ZNF235: variants seen among roughly 807,000 people sequenced by gnomAD.
ZNF235 encodes the protein zinc finger protein 235.
A neutral mutation model predicts 29.4 loss-of-function variants in ZNF235; 25 were observed. The observed-to-expected ratio is 0.85, with a 90% CI of 0.62 to 1.19. The LOEUF is 1.19. Ranked by LOEUF, ZNF235 falls within the 50% of genes most tolerant of loss-of-function variation. The probability of loss-of-function intolerance (pLI) is 0.00; values close to 1 mark genes in which losing one functional copy is unlikely to be tolerated. For missense variants in ZNF235, 788 were observed against 885.0 expected (o/e 0.89, Z 1.39); for synonymous variants, 300 against 295.3 (o/e 1.02, Z -0.16).
chr19:44,294,947 T>C (rs1027634551), intron 4 of ZNF235, among the ~76,000 whole-genome samples: 2 of 151,984 alleles, frequency 1.3e-5, no homozygotes, highest in Admixed American at 6.6e-5. Flanking sequence ...TTCAAAATAA[T>C]AAAAGCCATA....
intron 4 of ZNF235, among the ~76,000 whole-genome samples, chr19:44,295,339 T>C (rs761812992): frequency 2.0e-5 from 3 of 151,994 alleles, no homozygotes; most frequent in Non-Finnish European, 4.4e-5. Context: ...ATCCAATTTA[T>C]AGTATCTACA....
At chr19:44,299,796 C>A (rs1975708931) in intron 2 of ZNF235, 64 bp from the exon 3 acceptor site, 10 of 1,609,848 alleles carry the variant, frequency 6.2e-6, no homozygotes, top group Non-Finnish European at 8.5e-6. Flanking sequence ...CTAAGCAACT[C>A]TTTCTGTAGA....
In ZNF235 at chr19:44,296,111, C is replaced by T. The variant is rs1297616699; in HGVS notation, c.238+2697G>A. Among the ~76,000 whole-genome samples, 8 of 152,092 alleles carry T rather than the reference C, an allele frequency of 5.3e-5. No homozygotes were observed. The East Asian group carries it at 5.8e-4, about 11-fold the overall frequency. ...TTATAACACGAAGTATAAATAAATA[C>T]ATATGAGCCCATACTGATTATAAAA... On this transcript the variant is annotated intron_variant, in intron 4 of 4. Coordinates refer to ENST00000291182, the MANE Select transcript of ZNF235 (RefSeq NM_004234.4).
At chr19:44,302,863 T>C (rs961983220) in intron 2 of ZNF235, among the ~76,000 whole-genome samples, 41 of 113,108 alleles carry the variant, frequency 3.6e-4, no homozygotes, top group South Asian at 1.1e-3. Context: ...AATATATACT[T>C]ATATATATTT....
At chr19:44,303,000 A>G (rs1461433170) in intron 2 of ZNF235, among the ~76,000 whole-genome samples, 37 of 122,124 alleles carry the variant, frequency 3.0e-4, no homozygotes, top group Admixed American at 1.7e-3. Flanking sequence ...AAATATATAC[A>G]TATATACGTA....
chr19:44,288,769 G>A lies in ZNF235; in HGVS notation c.666C>T (p.His222=). The A allele has an allele frequency of 6.2e-7, 1 of 1,613,842 alleles. No individual in the cohort carries two copies. Among genetic ancestry groups the A allele is most frequent in the Non-Finnish European group, 8.5e-7 (1 of 1,179,908 alleles). ...TGTGCACTATATTATCATCATGGTG[G>A]TGTGAAATACAACTGAAAATGTCAA... ...PYVDIFSCIS[H]HHDDNIVHKR... Residue 222 remains histidine, a synonymous_variant, in exon 5 of 5, where the codon CAC becomes CAT. Coordinates refer to ENST00000291182, the MANE Select transcript of ZNF235 (RefSeq NM_004234.4).
chr19:44,303,281 A>G lies in ZNF235; in HGVS notation c.15+109T>C, dbSNP rs956764661. 30 of 1,088,380 alleles carry G rather than the reference A, an allele frequency of 2.8e-5. 1 individual carries two copies. The South Asian group carries it at 3.9e-4, about 14-fold the overall frequency. The allele number at this position is 1,088,380 out of a possible 1,614,324, so 67.4% of individuals were successfully genotyped here. A position where few individuals can be genotyped will look rare whatever the true frequency, so the allele number is the denominator to read the frequency against. On this transcript the variant is annotated intron_variant, in intron 2 of 4. Coordinates refer to ENST00000291182, the MANE Select transcript of ZNF235 (RefSeq NM_004234.4). ...AGGCAACAACCTGGCATATAACAAC[A>G]TTCCAAGTGCCTTTCGTTCCCTTTT...
chr19:44,292,018 C>A (rs1429243304), intron 4 of ZNF235, among the ~76,000 whole-genome samples: 1 of 151,988 alleles, frequency 6.6e-6, no homozygotes, highest in African/African-American at 2.4e-5. Context: ...GTGATCAAAT[C>A]AAATCTAACA....
chr19:44,300,765 G>A (rs1012883119), intron 2 of ZNF235, among the ~76,000 whole-genome samples: 7 of 150,366 alleles, frequency 4.7e-5, no homozygotes, highest in East Asian at 2.0e-4. Context: ...ACTTGAACCC[G>A]GCAGGCGGAG....
intron 4 of ZNF235, among the ~76,000 whole-genome samples, chr19:44,292,045 A>T (rs1221275254): frequency 6.6e-6 from 1 of 152,096 alleles, no homozygotes; most frequent in Non-Finnish European, 1.5e-5. Context: ...AAAAAGGATA[A>T]ATCAAGACAA....
At position 44,287,560 on chromosome 19, in the gene ZNF235, T is replaced by C. The variant is rs1203627299; in HGVS notation, c.1875A>G (p.Lys625=). Residue 625 remains lysine, a synonymous_variant, in exon 5 of 5, where the codon AAA becomes AAG. Coordinates refer to ENST00000291182, the MANE Select transcript of ZNF235 (RefSeq NM_004234.4). ...QAHQRVHTGE[K]PYKCDTCGKA... is the part of the protein sequence containing the mutation. ...TACCACAAGTGTCACATTTATATGGTTTCTCTCCGGTGTGGACTCTCTGAT... is the reference window on the plus strand; with the variant it reads ...TACCACAAGTGTCACATTTATATGGCTTCTCTCCGGTGTGGACTCTCTGAT... 1.2e-6 allele frequency: 2 copies of C among 1,613,668 alleles called. No homozygotes were observed. Among genetic ancestry groups the C allele is most frequent in the Admixed American group, 1.7e-5 (1 of 59,966 alleles).
At position 44,287,615 on chromosome 19, in the gene ZNF235, C is replaced by A; in HGVS notation, c.1820G>T (p.Arg607Leu). The A allele has an allele frequency of 1.9e-6, 3 of 1,614,030 alleles. No homozygotes were observed. The highest frequency in any genetic ancestry group is 2.5e-6 in the Non-Finnish European group (3 of 1,180,010). The change falls in exon 5 of 5, where the codon CGA (arginine) becomes CTA (leucine). Residue 607 changes from arginine (R) to leucine (L), a missense_variant. Transcript: ENST00000291182. ...KPFKCDACQK[R>L]FSQASHLQAH... ...TTGAAGGTGTGAGGCCTGACTGAAT[C>A]GCTTCTGACATGCATCACACTTGAA... is the stretch of plus-strand genomic sequence containing the variant.
At chr19:44,300,839 CAAA>C (rs143676501) in intron 2 of ZNF235, among the ~76,000 whole-genome samples, 7,091 of 95,776 alleles carry the variant, frequency 0.074, 171 homozygotes, top group African/African-American at 0.12. Flanking sequence ...GACTCCGTCT[CAAA>C]AAAAAAAAAA....
At chr19:44,299,824 T>C in intron 2 of ZNF235, 92 bp from the exon 3 acceptor site, 3 of 1,596,510 alleles carry the variant, frequency 1.9e-6, no homozygotes, top group Non-Finnish European at 2.6e-6. Flanking sequence ...TTCTTCCCCT[T>C]CCACAATCAC....
At chr19:44,304,868 T>C in intron 1 of ZNF235, 103 bp downstream of exon 1, 1 of 985,476 alleles carries the variant, frequency 1.0e-6, no homozygotes, top group Non-Finnish European at 1.2e-6. Context: ...CCTCCAGCGC[T>C]GGCCGCGGCT....
intron 2 of ZNF235, among the ~76,000 whole-genome samples, chr19:44,302,965 CGTATATAT>C (rs1315478778): frequency 1.7e-5 from 2 of 115,976 alleles, no homozygotes; most frequent in South Asian, 2.4e-4. Flanking sequence ...TAAATATATA[CGTATATAT>C]GTATATATTT....
At position 44,298,398 on chromosome 19, in the gene ZNF235, CT is replaced by C. The variant is rs369962631; in HGVS notation, c.238+409del. 4.1e-3 allele frequency among the ~76,000 whole-genome samples: 587 copies of C among 144,832 alleles called. 1 individual carries two copies. The highest frequency in any genetic ancestry group is 8.9e-3 in the African/African-American group (354 of 39,778). Reference sequence around the variant, plus strand: ...ACATGATGTGACAGATGTTTTCATTCTTTTTTTTTTTTTCCTGAGACAGAGT... The same window carrying C: ...ACATGATGTGACAGATGTTTTCATTCTTTTTTTTTTTTCCTGAGACAGAGT... On this transcript the variant is annotated intron_variant, in intron 4 of 4. Transcript: ENST00000291182.
At position 44,288,574 on chromosome 19, in the gene ZNF235, T is replaced by G. The variant is rs1162668172; in HGVS notation, c.861A>C (p.Gly287=). The G allele has an allele frequency of 2.5e-6, 4 of 1,614,048 alleles. No homozygotes were observed. The highest frequency in any genetic ancestry group is 1.7e-5 in the Admixed American group (1 of 59,982). Residue 287 remains glycine (G), a synonymous_variant, in exon 5 of 5, where the codon GGA becomes GGC. Coordinates refer to ENST00000291182, the MANE Select transcript of ZNF235 (RefSeq NM_004234.4). The part of the protein sequence containing the change: ...SLELHKQVHL[G]KKSPACSTHE... ...GTGTACTACACGCTGGAGACTTCTT[T>G]CCCAAGTGTACCTGTTTATGAAGTT... is the stretch of plus-strand genomic sequence containing the variant.
Position 44,288,159 on chromosome 19 carries a change from T to C in ZNF235, c.1276A>G (p.Thr426Ala), listed in dbSNP as rs1277780593. 3.7e-6 allele frequency: 6 copies of C among 1,613,948 alleles called. No homozygotes were observed. Among genetic ancestry groups the C allele is most frequent in the South Asian group, 1.1e-5 (1 of 91,088 alleles). Residue 426 changes from threonine to alanine, a missense_variant, in exon 5 of 5, where the codon ACT (threonine) becomes GCT (alanine). Physicochemically the swap from Thr to Ala is moderately conservative, Grantham distance 58. Transcript: ENST00000291182. ...SHLQAHERIH[T>A]GEKPYKCGDC... is the part of the protein sequence containing the mutation. ...CCACATTTATATGGTTTCTCTCCAG[T>C]GTGAATTCTTTCATGGGCCTGAAGA...
Sources: allele counts gnomAD v4.1 joint callset (sites outside exome capture counted in the v4.1 genomes callset), GRCh38; gene constraint gnomAD v4.1.1; transcripts MANE v1.5; gene names NCBI Gene and HGNC (gene_info 2026-07-23, HGNC 2026-07-21).